The following MYO1A variants were observed in gnomAD, a reference collection of about 807,000 sequenced individuals.
The protein encoded by MYO1A is unconventional myosin-Ia.
MYO1A carries 127 observed loss-of-function variants against 138.5 expected under a neutral mutation model. That is an observed-to-expected ratio of 0.92 (90% CI 0.79 to 1.06). The LOEUF (loss-of-function observed/expected upper bound fraction) is 1.06, where lower values mean the gene tolerates loss of function less well. Among genes scored for constraint, MYO1A ranks in the 50% least tolerant of loss-of-function variants. The probability of loss-of-function intolerance (pLI) is 0.00; values close to 1 mark genes in which losing one functional copy is unlikely to be tolerated. For missense variants in MYO1A, 1,211 were observed against 1,288.8 expected, an observed-to-expected ratio of 0.94 and a Z score of 0.92; for synonymous variants, 477 against 497.5, an observed-to-expected ratio of 0.96 and a Z score of 0.55.
intron 21 of MYO1A, 114 bp from the exon 22 acceptor site, chr12:57,036,495 G>A: frequency 1.8e-6 from 2 of 1,138,166 alleles, no homozygotes; most frequent in South Asian, 2.5e-5. Context: ...TGAGACTGTA[G>A]CTGGAAGTTG....
chr12:57,042,432 A>G (rs2030899420), intron 12 of MYO1A, among the ~76,000 whole-genome samples: 1 of 152,188 alleles, frequency 6.6e-6, no homozygotes, highest in Non-Finnish European at 1.5e-5. Flanking sequence ...ATTACAAATA[A>G]GGCTTCTGTG....
chr12:57,044,361 T>G lies in MYO1A; in HGVS notation c.641-152A>C, dbSNP rs2031001358. 4.3e-6 allele frequency: 3 copies of G among 697,540 alleles called. No homozygotes were observed. In the East Asian group the frequency reaches 8.1e-5, roughly 19 times the overall value. The allele number at this position is 697,540 out of a possible 1,614,324, so 43.2% of individuals were successfully genotyped here. ...GGTTCTTCCCCTGCCTCCTTTGTTT[T>G]GGGATCATTAATTCCTGTGATGATA... On this transcript the variant is annotated intron_variant, in intron 8 of 27. Coordinates refer to ENST00000300119, the MANE Select transcript of MYO1A (RefSeq NM_005379.4).
chr12:57,043,891 C>A lies in MYO1A; in HGVS notation c.857G>T (p.Ser286Ile). Reference sequence around the variant, plus strand: ...ACGGATGCCACTTGCTGGTATCCCACTGGCCTGGAACTCATCAGCCACCAA... The same window carrying A: ...ACGGATGCCACTTGCTGGTATCCCAATGGCCTGGAACTCATCAGCCACCAA... ...NVLVADEFQA[S>I]GIPASGIRDG... The change falls in exon 10 of 28, where the codon AGT becomes ATT. Residue 286 changes from serine to isoleucine, a missense_variant. Ser to Ile is a moderately radical substitution (Grantham distance 142). Coordinates refer to ENST00000300119, the MANE Select transcript of MYO1A (RefSeq NM_005379.4). 1.2e-6 allele frequency: 2 copies of A among 1,614,158 alleles called. No individual in the cohort carries two copies. The highest frequency in any genetic ancestry group is 1.7e-6 in the Non-Finnish European group (2 of 1,180,002).
Position 57,043,919 on chromosome 12 carries a change from C to A in MYO1A, c.829G>T (p.Val277Leu), listed in dbSNP as rs141826192. ...VTSMVLKLGN[V>L]LVADEFQASG... ...GCCTGGAACTCATCAGCCACCAACA[C>A]GTTCCCCAGCTTTAGCACCATGGAT... The change falls in exon 10 of 28, where the codon GTG (valine) becomes TTG (leucine). Residue 277 changes from valine to leucine, a missense_variant. Val to Leu is a conservative substitution (Grantham distance 32, BLOSUM62 1). Coordinates refer to ENST00000300119, the MANE Select transcript of MYO1A (RefSeq NM_005379.4). 4.3e-6 allele frequency: 7 copies of A among 1,614,066 alleles called. No individual in the cohort carries two copies. The East Asian group carries it at 1.6e-4, about 36-fold the overall frequency.
chr12:57,037,607 T>A lies in MYO1A; in HGVS notation c.1996A>T (p.Met666Leu), dbSNP rs2030622734. 1 of 1,614,048 alleles carries A rather than the reference T, an allele frequency of 6.2e-7. No homozygotes were observed. The highest frequency in any genetic ancestry group is 1.1e-5 in the South Asian group (1 of 91,088). The change falls in exon 19 of 28, where the codon ATG becomes TTG. Residue 666 changes from methionine to leucine, a missense_variant. Met to Leu is a conservative substitution (Grantham distance 15, BLOSUM62 2). Transcript: ENST00000300119. ...CCAAAGGCCAGCTCCCCCGAGGACA[T>A]GCTCAGCTCCCCCAGGACCTTCTCA... ...GVEKVLGELS[M>L]SSGELAFGKT...
In MYO1A at chr12:57,048,250, A is replaced by G. The variant is rs1270240411; in HGVS notation, c.74T>C (p.Leu25Pro). The part of the protein sequence containing the change: ...LLEPLVEESL[L>P]KNLQLRYENK... ...TTCATAGCGAAGCTGAAGATTCTTGAGCAGTGACTCCTCCACCAAGGGTTC... is the reference window on the plus strand; with the variant it reads ...TTCATAGCGAAGCTGAAGATTCTTGGGCAGTGACTCCTCCACCAAGGGTTC... Residue 25 changes from leucine (L) to proline (P), a missense_variant, in exon 2 of 28, where the codon CTC becomes CCC. Physicochemically the swap from Leu to Pro is moderately conservative, Grantham distance 98. Coordinates refer to ENST00000300119, the MANE Select transcript of MYO1A (RefSeq NM_005379.4). 1.9e-6 allele frequency: 3 copies of G among 1,614,060 alleles called. No homozygotes were observed. Among genetic ancestry groups the G allele is most frequent in the Non-Finnish European group, 2.5e-6 (3 of 1,180,034 alleles).
rs1339491696 is a variant in MYO1A at position 57,046,930 on chromosome 12, CAG to C, written c.478-6_478-5del. On this transcript the variant is annotated splice_polypyrimidine_tract_variant and splice_region_variant and intron_variant, in intron 6 of 27. Transcript: ENST00000300119. ...ATTCAATATCCATGTATTTTCCCTT[CAG>C]AGAGAGACCAGAGAGAGAGACTTAG... is the stretch of plus-strand genomic sequence containing the variant. The C allele has an allele frequency of 9.9e-6, 16 of 1,613,952 alleles. No individual in the cohort carries two copies. The highest frequency in any genetic ancestry group is 2.7e-5 in the African/African-American group (2 of 74,902).
chr12:57,047,027 TCCTCTCTTC>T, intron 6 of MYO1A, 25 bp downstream of exon 6: 1 of 1,613,640 alleles, frequency 6.2e-7, no homozygotes, highest in Non-Finnish European at 8.5e-7. Context: ...AGCCCCCACA[TCCTCTCTTC>T]CCAGGTGGGG....
chr12:57,042,640 T>G (rs758339580), intron 12 of MYO1A, among the ~76,000 whole-genome samples: 39 of 152,194 alleles, frequency 2.6e-4, no homozygotes, highest in Non-Finnish European at 3.8e-4. Flanking sequence ...TCATAAAATA[T>G]AGAGTTGGGG....
chr12:57,032,871 GAA>G (rs1422928200), intron 22 of MYO1A, among the ~76,000 whole-genome samples: 1 of 152,082 alleles, frequency 6.6e-6, no homozygotes, highest in Non-Finnish European at 1.5e-5. Flanking sequence ...TTATTATTTT[GAA>G]AGTTTTTTTA....
chr12:57,030,032 T>C, intron 24 of MYO1A, 160 bp from the exon 25 acceptor site: 1 of 1,349,654 alleles, frequency 7.4e-7, no homozygotes, highest in South Asian at 1.2e-5. Flanking sequence ...CAGCACCACC[T>C]GGGGAGTTGT....
In MYO1A at chr12:57,036,826, A is replaced by G; in HGVS notation, c.2220T>C (p.Tyr740=). The G allele has an allele frequency of 6.2e-7, 1 of 1,614,240 alleles. No individual in the cohort carries two copies. Among genetic ancestry groups the G allele is most frequent in the East Asian group, 2.2e-5 (1 of 44,894 alleles). Residue 740 remains tyrosine, a synonymous_variant, in exon 21 of 28, where the codon TAT becomes TAC. Coordinates refer to ENST00000300119, the MANE Select transcript of MYO1A (RefSeq NM_005379.4). The part of the protein sequence containing the change: ...WFRGNMQKKC[Y]GKIKASVLLI... ...ATAACACGGATGCCTTTATCTTCCC[A>G]TAGCATTTCTTTTGCTGTAGAAAAC...
intron 14 of MYO1A, among the ~76,000 whole-genome samples, chr12:57,040,189 T>G (rs193041213): frequency 1.3e-5 from 2 of 152,200 alleles, no homozygotes; most frequent in Non-Finnish European, 2.9e-5. Flanking sequence ...CCCAAATACC[T>G]TCCCCAACCA....
chr12:57,044,513 T>C (rs1299298487), intron 8 of MYO1A, among the ~76,000 whole-genome samples: 2 of 152,140 alleles, frequency 1.3e-5, no homozygotes, highest in African/African-American at 4.8e-5. Context: ...CTCAGCCTCC[T>C]GTGTAGCTGG....
At chr12:57,041,630 G>T in intron 12 of MYO1A, 133 bp from the exon 13 acceptor site, 1 of 765,106 alleles carries the variant, frequency 1.3e-6, no homozygotes, top group Non-Finnish European at 2.3e-6. Flanking sequence ...GAAAGGAATT[G>T]TTGTGATTTT....
intron 24 of MYO1A, 128 bp downstream of exon 24, chr12:57,030,082 G>A (rs2030201639): frequency 1.7e-6 from 2 of 1,207,502 alleles, no homozygotes; most frequent in Admixed American, 1.9e-5. Flanking sequence ...AGACCTGCTG[G>A]ATCAGAGACT....
At chr12:57,039,149 A>G in intron 15 of MYO1A, 63 bp downstream of exon 15, 1 of 1,574,508 alleles carries the variant, frequency 6.4e-7, no homozygotes, top group Non-Finnish European at 8.7e-7. Context: ...GGAGAGAGAC[A>G]GGGGAAGGAT....
rs778434543 is a variant in MYO1A at position 57,037,857 on chromosome 12, A to AT, written c.1961+11dup. 1 of 1,613,586 alleles carries AT rather than the reference A, an allele frequency of 6.2e-7. No homozygotes were observed. Among genetic ancestry groups the AT allele is most frequent in the Non-Finnish European group, 8.5e-7 (1 of 1,179,778 alleles). ...CCCTTTCCTGATGCCCAGTCTCCCCATGGGGTCTTACCGGTCTCCCCCATT... is the reference window on the plus strand; with the variant it reads ...CCCTTTCCTGATGCCCAGTCTCCCCATTGGGGTCTTACCGGTCTCCCCCATT... On this transcript the variant is annotated intron_variant, in intron 18 of 27. Transcript: ENST00000300119.
At chr12:57,046,088 C>G (rs2031080901) in intron 8 of MYO1A, among the ~76,000 whole-genome samples, 1 of 152,172 alleles carries the variant, frequency 6.6e-6, no homozygotes, top group South Asian at 2.1e-4. Flanking sequence ...AAATCAGGAA[C>G]AGGGTCCTAG....
Sources: gnomAD v4.1 joint callset for allele counts (sites outside exome capture counted in the v4.1 genomes callset) on GRCh38, gnomAD v4.1.1 for gene constraint, MANE v1.5 for transcripts, NCBI Gene and HGNC (gene_info 2026-07-23, HGNC 2026-07-21) for gene names.